Variants in NTN4 observed in about 807,000 individuals in gnomAD.
The protein encoded by NTN4 is netrin-4.
In NTN4, 32 loss-of-function variants were observed where a neutral mutation model predicts 73.6. The ratio of observed to expected loss-of-function variants is 0.44; its 90% CI spans 0.33 to 0.58. The LOEUF (loss-of-function observed/expected upper bound fraction) is 0.58. Among genes scored for constraint, NTN4 ranks in the 20% least tolerant of loss-of-function variants. The pLI is 0.04. For missense variants in NTN4, 654 were observed against 798.3 expected (o/e 0.82, Z 2.18); for synonymous variants, 258 against 287.5 (o/e 0.90, Z 1.04).
chr12:95,735,139 C>A (rs1267886500), intron 3 of NTN4, among the ~76,000 whole-genome samples: 3 of 152,192 alleles, frequency 2.0e-5, no homozygotes, highest in Non-Finnish European at 2.9e-5. Context: ...AGATAAAAGT[C>A]AAATACACCC....
intron 2 of NTN4, among the ~76,000 whole-genome samples, chr12:95,786,284 G>C (rs1488557762): frequency 2.0e-5 from 3 of 152,150 alleles, no homozygotes; most frequent in Non-Finnish European, 4.4e-5. Flanking sequence ...GTTAAGAAGA[G>C]CTAAAAAGAG....
At chr12:95,707,248 A>G (rs2078527707) in intron 5 of NTN4, among the ~76,000 whole-genome samples, 1 of 151,942 alleles carries the variant, frequency 6.6e-6, no homozygotes, top group Admixed American at 6.6e-5. Context: ...TCCCCTCCCC[A>G]GTCACCTCTC....
chr12:95,753,700 C>T (rs553333367), intron 2 of NTN4, among the ~76,000 whole-genome samples: 97 of 151,322 alleles, frequency 6.4e-4, no homozygotes, highest in African/African-American at 2.1e-3. Context: ...AAACACACCT[C>T]ACCAAGCTCA....
intron 3 of NTN4, among the ~76,000 whole-genome samples, chr12:95,713,560 T>C (rs2078582279): frequency 6.6e-6 from 1 of 152,208 alleles, no homozygotes; most frequent in Admixed American, 6.5e-5. Context: ...GGCTGAAGGG[T>C]ATATGACCCT....
Position 95,682,616 on chromosome 12 carries a change from T to C in NTN4, c.1510+91A>G, listed in dbSNP as rs1009573179. ...CCCCAGAACTAAAGAGTTCCCCTCA[T>C]AGGATCCAAAAGCTGGACCCTGGTT... On this transcript the variant is annotated intron_variant, in intron 7 of 9. Transcript: ENST00000343702. The C allele has an allele frequency of 3.9e-6, 3 of 773,646 alleles. No homozygotes were observed. In the Admixed American group the frequency reaches 7.1e-5, roughly 18 times the overall value. The allele number at this position is 773,646 out of a possible 1,614,324, so 47.9% of individuals were successfully genotyped here. A position where few individuals can be genotyped will look rare whatever the true frequency, so the allele number is the denominator to read the frequency against.
rs192540472 is a variant in NTN4 at position 95,684,606 on chromosome 12, C to T, written c.1181-895G>A. 6.3e-4 allele frequency among the ~76,000 whole-genome samples: 96 copies of T among 152,020 alleles called. 1 individual carries two copies. Among genetic ancestry groups the T allele is most frequent in the Middle Eastern group, 3.4e-3 (1 of 294 alleles). On this transcript the variant is annotated intron_variant, in intron 5 of 9. Transcript: ENST00000343702. Reference sequence around the variant, plus strand: ...ACAGGCGTGAGACACTGCGCCTGGCCGTAAGTCTTTAATACTAGTCAAAAG... The same window carrying T: ...ACAGGCGTGAGACACTGCGCCTGGCTGTAAGTCTTTAATACTAGTCAAAAG...
chr12:95,779,950 A>T (rs2079120731), intron 2 of NTN4, among the ~76,000 whole-genome samples: 1 of 152,228 alleles, frequency 6.6e-6, no homozygotes, highest in South Asian at 2.1e-4. Flanking sequence ...ACCAAAACAG[A>T]GATGTAGACC....
At chr12:95,710,745 G>A (rs576315512) in intron 4 of NTN4, 116 bp from the exon 5 acceptor site, 14 of 924,996 alleles carry the variant, frequency 1.5e-5, no homozygotes, top group South Asian at 1.1e-4. Context: ...GCTCACACCT[G>A]TAATCCCAGC....
intron 2 of NTN4, among the ~76,000 whole-genome samples, chr12:95,748,101 C>T (rs368518160): frequency 5.3e-5 from 8 of 151,438 alleles, no homozygotes; most frequent in Non-Finnish European, 1.0e-4. Flanking sequence ...CATGGTGGTA[C>T]GCACCTGTAG....
intron 3 of NTN4, among the ~76,000 whole-genome samples, chr12:95,719,544 TA>T (rs2078631438): frequency 6.6e-6 from 1 of 152,136 alleles, no homozygotes; most frequent in South Asian, 2.1e-4. Flanking sequence ...ACTTCTAAAA[TA>T]ATGAACTTGT....
intron 2 of NTN4, among the ~76,000 whole-genome samples, chr12:95,752,052 C>T (rs2078912399): frequency 6.6e-6 from 1 of 151,594 alleles, no homozygotes; most frequent in African/African-American, 2.4e-5. Flanking sequence ...CTCTTGTATC[C>T]CCCCACCTTA....
Position 95,762,029 on chromosome 12 carries a change from G to A in NTN4, c.586-23885C>T, listed in dbSNP as rs575383713. ...CATATATATTATTCATATTATATATGTTAAACACGTTCCCTGACTGGGTGC... is the reference window on the plus strand; with the variant it reads ...CATATATATTATTCATATTATATATATTAAACACGTTCCCTGACTGGGTGC... On this transcript the variant is annotated intron_variant, in intron 2 of 9. Transcript: ENST00000343702. Among the ~76,000 whole-genome samples, 48 of 152,010 alleles carry A rather than the reference G, an allele frequency of 3.2e-4. 1 individual carries two copies. In the South Asian group the frequency reaches 8.5e-3, roughly 27 times the overall value.
intron 7 of NTN4, chr12:95,673,146 G>T: frequency 1.4e-6 from 1 of 730,398 alleles, no homozygotes; most frequent in Non-Finnish European, 2.3e-6. Flanking sequence ...TCCTGCACAC[G>T]CCACACTGAC....
chr12:95,708,264 ATT>A (rs1201848019), intron 5 of NTN4, among the ~76,000 whole-genome samples: 1 of 22,850 alleles, frequency 4.4e-5, no homozygotes, highest in African/African-American at 1.2e-4. Context: ...TATTTTATTT[ATT>A]TATTTATTTA....
intron 7 of NTN4, chr12:95,672,913 G>C: frequency 2.5e-6 from 3 of 1,216,088 alleles, no homozygotes; most frequent in Middle Eastern, 3.9e-4. Context: ...CTCTGAAGAG[G>C]CTATCATGGA....
At chr12:95,736,441 A>T (rs1000018974) in intron 3 of NTN4, among the ~76,000 whole-genome samples, 8 of 152,172 alleles carry the variant, frequency 5.3e-5, no homozygotes, top group African/African-American at 1.9e-4. Context: ...CAGTCGAGGA[A>T]ACAAAAGATC....
At chr12:95,737,417 T>A (rs1018643525) in intron 3 of NTN4, among the ~76,000 whole-genome samples, 2 of 152,132 alleles carry the variant, frequency 1.3e-5, no homozygotes, top group African/African-American at 4.8e-5. Flanking sequence ...GGGTCAGTCC[T>A]CTTCATGGAG....
At chr12:95,744,631 C>T (rs759623963) in intron 2 of NTN4, among the ~76,000 whole-genome samples, 10 of 152,160 alleles carry the variant, frequency 6.6e-5, no homozygotes, top group Non-Finnish European at 1.5e-4. Context: ...AGCTCCACAA[C>T]ACACTGTTAA....
intron 3 of NTN4, among the ~76,000 whole-genome samples, chr12:95,735,872 C>T (rs1192162669): frequency 6.6e-6 from 1 of 151,376 alleles, no homozygotes; most frequent in African/African-American, 2.4e-5. Flanking sequence ...GAAAGTAATA[C>T]TTTTAAATGC....
Sources: gnomAD v4.1 joint callset for allele counts (sites outside exome capture counted in the v4.1 genomes callset) on GRCh38, gnomAD v4.1.1 for gene constraint, MANE v1.5 for transcripts, NCBI Gene and HGNC (gene_info 2026-07-23, HGNC 2026-07-21) for gene names.